Variants in IPMK observed in about 807,000 individuals in gnomAD.
The protein encoded by IPMK is inositol polyphosphate multikinase.
IPMK carries 17 observed loss-of-function variants against 45.8 expected under a neutral mutation model. The observed-to-expected ratio is 0.37, with a 90% CI of 0.25 to 0.56. IPMK has a LOEUF of 0.56. Ranked by LOEUF, IPMK falls within the 20% of genes least tolerant of loss-of-function variation. The pLI is 0.79. For missense variants in IPMK, 399 were observed against 498.0 expected (o/e 0.80, Z 1.89); for synonymous variants, 180 against 184.3 (o/e 0.98, Z 0.19).
Position 58,199,251 on chromosome 10 carries a change from GTTTCT to G in IPMK, c.612_616del (p.Lys204AsnfsTer12). ...TTTTTAGTCCTTACCATCCTTTATA[GTTTCT>G]TTTGTTAAGCTTCTTCCGTAATGCT... On this transcript the variant is annotated frameshift_variant, in exon 5 of 6. Coordinates refer to ENST00000373935, the MANE Select transcript of IPMK (RefSeq NM_152230.5). LOFTEE classifies it high-confidence loss of function. The G allele has an allele frequency of 6.2e-7, 1 of 1,600,954 alleles. No individual in the cohort carries two copies. Among genetic ancestry groups the G allele is most frequent in the Non-Finnish European group, 8.5e-7 (1 of 1,171,086 alleles).
chr10:58,250,113 T>C (rs1033841817), intron 1 of IPMK, among the ~76,000 whole-genome samples: 1 of 152,240 alleles, frequency 6.6e-6, no homozygotes, highest in Non-Finnish European at 1.5e-5. Context: ...TGAAGCCAGG[T>C]AGTATGATGC....
rs1197410861 is a variant in IPMK, at chr10:58,194,113, T to C, written c.*1963A>G. The stretch of plus-strand genomic sequence containing the variant: ...AAAAATCTTGAACATTAAGATTTTA[T>C]TGAGCTAAAATGTGCAAAAAATCTG... On this transcript the variant is annotated 3_prime_UTR_variant, in exon 6 of 6. Transcript: ENST00000373935. The C allele has an allele frequency of 6.6e-6, 1 of 151,886 alleles. No individual in the cohort carries two copies. Among genetic ancestry groups the C allele is most frequent in the African/African-American group, 2.4e-5 (1 of 41,444 alleles). 9.4% of individuals were successfully genotyped at this position (151,886 alleles called of 1,614,324 possible). A position where few individuals can be genotyped will look rare whatever the true frequency, so the allele number is the denominator to read the frequency against.
intron 1 of IPMK, among the ~76,000 whole-genome samples, chr10:58,243,682 C>T (rs760426731): frequency 2.0e-5 from 3 of 152,226 alleles, no homozygotes; most frequent in Non-Finnish European, 4.4e-5. Context: ...CAATGTTGCC[C>T]AGGCTGGAGT....
chr10:58,232,355 T>C (rs1298798140), intron 2 of IPMK, among the ~76,000 whole-genome samples: 1 of 152,172 alleles, frequency 6.6e-6, no homozygotes, highest in Non-Finnish European at 1.5e-5. Flanking sequence ...TACAGAACTC[T>C]CCACCCCAAA....
intron 3 of IPMK, among the ~76,000 whole-genome samples, chr10:58,218,848 T>C (rs906753898): frequency 1.3e-5 from 2 of 152,128 alleles, no homozygotes; most frequent in Admixed American, 6.5e-5. Flanking sequence ...AGGAGGAAAA[T>C]ACAAATGCAA....
chr10:58,209,807 T>C (rs1838130979), intron 4 of IPMK, among the ~76,000 whole-genome samples: 1 of 152,314 alleles, frequency 6.6e-6, no homozygotes, highest in Middle Eastern at 3.4e-3. Context: ...GCTTTAGCGG[T>C]TGTTTTCTCC....
At chr10:58,228,754 C>T (rs1838460412) in intron 2 of IPMK, among the ~76,000 whole-genome samples, 1 of 151,922 alleles carries the variant, frequency 6.6e-6, no homozygotes. Context: ...AGGATGGTCT[C>T]GATCTCCTGA....
intron 1 of IPMK, among the ~76,000 whole-genome samples, chr10:58,238,230 T>C (rs909173445): frequency 6.6e-6 from 1 of 152,224 alleles, no homozygotes; most frequent in Non-Finnish European, 1.5e-5. Flanking sequence ...AGTGGCCATA[T>C]ATGAATTTCC....
chr10:58,255,895 T>G (rs1838960482), intron 1 of IPMK, among the ~76,000 whole-genome samples: 1 of 152,238 alleles, frequency 6.6e-6, no homozygotes, highest in South Asian at 2.1e-4. Flanking sequence ...CTGTCTTTAC[T>G]GCAATCTCTG....
At chr10:58,204,064 T>A (rs1838036465) in intron 4 of IPMK, among the ~76,000 whole-genome samples, 1 of 151,830 alleles carries the variant, frequency 6.6e-6, no homozygotes, top group African/African-American at 2.4e-5. Flanking sequence ...CACTGTTTTT[T>A]AAAAAAACAT....
chr10:58,259,672 A>AAAAAAAAAAAAAC lies in IPMK; in HGVS notation c.190+7749_190+7750insGTTTTTTTTTTTT, dbSNP rs1177771679. Among the ~76,000 whole-genome samples the AAAAAAAAAAAAAC allele has an allele frequency of 4.9e-4, 46 of 94,608 alleles. 2 individuals are homozygous for AAAAAAAAAAAAAC. The highest frequency in any genetic ancestry group is 2.2e-3 in the African/African-American group (44 of 20,420). 62.1% of individuals were successfully genotyped at this position (94,608 alleles called of 152,430 possible). ...GCATGGTAAAATCCCATCTCTACAT[A>AAAAAAAAAAAAAC]AAAAAAAAAAAAAAACAATTAGCCA... On this transcript the variant is annotated intron_variant, in intron 1 of 5. Transcript: ENST00000373935.
intron 3 of IPMK, among the ~76,000 whole-genome samples, chr10:58,222,045 G>C (rs1838345431): frequency 6.6e-6 from 1 of 151,998 alleles, no homozygotes; most frequent in South Asian, 2.1e-4. Flanking sequence ...CACTGCACCT[G>C]GCCTAATTTT....
intron 4 of IPMK, among the ~76,000 whole-genome samples, chr10:58,207,799 GT>G (rs1838092683): frequency 6.6e-6 from 1 of 152,126 alleles, no homozygotes; most frequent in African/African-American, 2.4e-5. Context: ...TGTAATTGAT[GT>G]CTAGATCTCT....
At chr10:58,223,965 C>T (rs1838375885) in intron 3 of IPMK, among the ~76,000 whole-genome samples, 1 of 152,210 alleles carries the variant, frequency 6.6e-6, no homozygotes, top group African/African-American at 2.4e-5. Flanking sequence ...GATTAAACCT[C>T]TTTTCTTTAT....
chr10:58,233,279 C>A (rs11510914), intron 2 of IPMK, among the ~76,000 whole-genome samples: 16,265 of 152,148 alleles, frequency 0.11, 1,060 homozygotes, highest in Middle Eastern at 0.18. Flanking sequence ...TAAAACTATT[C>A]CAATCAATAG....
chr10:58,197,681 A>G (rs1588949780), intron 5 of IPMK, among the ~76,000 whole-genome samples: 1 of 136,418 alleles, frequency 7.3e-6, no homozygotes, highest in African/African-American at 3.0e-5. Flanking sequence ...AAAAAAAAAA[A>G]AAAGAAATAG....
At chr10:58,212,911 C>T (rs549579420) in intron 4 of IPMK, 22 of 230,288 alleles carry the variant, frequency 9.6e-5, no homozygotes, top group African/African-American at 4.6e-4. Context: ...ATCAGTGTTA[C>T]CCTCTGTCCT....
At chr10:58,247,483 T>G (rs972422307) in intron 1 of IPMK, among the ~76,000 whole-genome samples, 24 of 151,670 alleles carry the variant, frequency 1.6e-4, no homozygotes, top group Admixed American at 6.6e-4. Flanking sequence ...CCATAAAAAA[T>G]GATGAGTTCA....
intron 4 of IPMK, among the ~76,000 whole-genome samples, chr10:58,210,611 G>A (rs1356707177): frequency 6.6e-6 from 1 of 152,174 alleles, no homozygotes; most frequent in Non-Finnish European, 1.5e-5. Context: ...GGCTTGCGCT[G>A]GAGACTGGGA....
Sources: gnomAD v4.1 joint callset for allele counts (sites outside exome capture counted in the v4.1 genomes callset) on GRCh38, gnomAD v4.1.1 for gene constraint, MANE v1.5 for transcripts, NCBI Gene and HGNC (gene_info 2026-07-23, HGNC 2026-07-21) for gene names.